The following COL15A1 variants were observed in gnomAD, a reference collection of about 807,000 sequenced individuals.
COL15A1 encodes the protein collagen alpha-1(XV) chain.
A neutral mutation model predicts 165.9 loss-of-function variants in COL15A1; 111 were observed. The ratio of observed to expected loss-of-function variants is 0.67; its 90% confidence interval spans 0.57 to 0.78. COL15A1 has a LOEUF of 0.78. Ranked by LOEUF, COL15A1 falls within the 30% of genes least tolerant of loss-of-function variation. The pLI is 0.00. For missense variants in COL15A1, 1,745 were observed against 1,789.7 expected (o/e 0.98, Z 0.45); for synonymous variants, 659 against 674.8 (o/e 0.98, Z 0.36).
chr9:98,975,356 G>C (rs530964268), intron 2 of COL15A1, among the ~76,000 whole-genome samples: 1 of 152,334 alleles, frequency 6.6e-6, no homozygotes, highest in Admixed American at 6.5e-5. Context: ...CCCCACAGAT[G>C]GAAGGACTGA....
rs1001407785 is a variant in COL15A1, at chr9:99,045,772, T to G, written c.2679+1002T>G. On this transcript the variant is annotated intron_variant, in intron 26 of 41. Coordinates refer to ENST00000375001, the MANE Select transcript of COL15A1 (RefSeq NM_001855.5). The stretch of plus-strand genomic sequence containing the variant: ...GCTTTAGGTCCAGTCTCTTCTCAGA[T>G]GAACCTCACTGCCTCTAATGAACAT... Among the ~76,000 whole-genome samples the G allele has an allele frequency of 2.0e-5, 3 of 152,356 alleles. No individual in the cohort carries two copies. The East Asian group carries it at 5.8e-4, about 29-fold the overall frequency.
chr9:99,011,397 C>A (rs1838845232), intron 9 of COL15A1, among the ~76,000 whole-genome samples: 1 of 125,490 alleles, frequency 8.0e-6, no homozygotes, highest in South Asian at 2.7e-4. Context: ...CCTGAGCATC[C>A]CTCTTTCTGA....
intron 5 of COL15A1, among the ~76,000 whole-genome samples, chr9:98,996,110 C>T (rs1472756893): frequency 6.6e-6 from 1 of 152,214 alleles, no homozygotes; most frequent in East Asian, 1.9e-4. Context: ...TGTTATTAGT[C>T]AGGAAAGGTA....
chr9:98,956,533 T>C (rs1041961597), intron 2 of COL15A1, among the ~76,000 whole-genome samples: 1 of 152,192 alleles, frequency 6.6e-6, no homozygotes, highest in African/African-American at 2.4e-5. Context: ...TTTACATATA[T>C]GTATGTGTAT....
At chr9:98,953,213 G>A (rs1408499199) in intron 2 of COL15A1, among the ~76,000 whole-genome samples, 2 of 152,192 alleles carry the variant, frequency 1.3e-5, no homozygotes, top group African/African-American at 4.8e-5. Context: ...ACCTATTGCT[G>A]TCAACAAAGT....
chr9:99,006,866 T>C (rs1838771404), intron 9 of COL15A1, among the ~76,000 whole-genome samples: 1 of 152,234 alleles, frequency 6.6e-6, no homozygotes, highest in Non-Finnish European at 1.5e-5. Flanking sequence ...GTGTATCAGC[T>C]GTAAAGCAAA....
chr9:98,965,836 C>T (rs191500615), intron 2 of COL15A1, among the ~76,000 whole-genome samples: 20 of 152,250 alleles, frequency 1.3e-4, no homozygotes, highest in Admixed American at 1.0e-3. Context: ...ATCTGGGCCC[C>T]GTGTTGGTGT....
chr9:98,948,316 C>T (rs1010395045), intron 2 of COL15A1, among the ~76,000 whole-genome samples: 3 of 151,996 alleles, frequency 2.0e-5, no homozygotes, highest in South Asian at 2.1e-4. Flanking sequence ...ACACACTTGT[C>T]GGCCGGGCGC....
At chr9:98,963,800 A>G (rs1564013684) in intron 2 of COL15A1, among the ~76,000 whole-genome samples, 2 of 152,140 alleles carry the variant, frequency 1.3e-5, no homozygotes, top group African/African-American at 2.4e-5. Context: ...AGAGCCAGGG[A>G]TGGGGAACCC....
chr9:99,049,672 C>CT lies in COL15A1; in HGVS notation c.2794-11dup, dbSNP rs767356322. ...CAACAACCTGAACTAATGGAATGGC[C>CT]TTTTTTTCTTCCTTCAGGGCCCACC... is the stretch of plus-strand genomic sequence containing the variant. On this transcript the variant is annotated splice_polypyrimidine_tract_variant and intron_variant, in intron 28 of 41. Coordinates refer to ENST00000375001, the MANE Select transcript of COL15A1 (RefSeq NM_001855.5). 1 of 1,612,334 alleles carries CT rather than the reference C, an allele frequency of 6.2e-7. No homozygotes were observed. Among genetic ancestry groups the CT allele is most frequent in the South Asian group, 1.1e-5 (1 of 90,992 alleles).
rs566998485 is a variant in COL15A1, at chr9:99,013,288, G to C, written c.1354-2129G>C. 1.4e-3 allele frequency among the ~76,000 whole-genome samples: 206 copies of C among 152,058 alleles called. 1 individual carries two copies. The highest frequency in any genetic ancestry group is 4.6e-3 in the African/African-American group (190 of 41,490). ...GTAGGGTTGCTGCATGTCATGGGGG[G>C]GTCAACCCCCCAAGACACTCCCACT... On this transcript the variant is annotated intron_variant, in intron 9 of 41. Coordinates refer to ENST00000375001, the MANE Select transcript of COL15A1 (RefSeq NM_001855.5).
At chr9:99,047,395 A>G (rs1410573139) in intron 26 of COL15A1, among the ~76,000 whole-genome samples, 1 of 151,868 alleles carries the variant, frequency 6.6e-6, no homozygotes, top group Non-Finnish European at 1.5e-5. Context: ...AGAATGGGGG[A>G]TGCGATAAGC....
chr9:99,053,745 A>G (rs887155997), intron 31 of COL15A1, among the ~76,000 whole-genome samples: 2 of 152,172 alleles, frequency 1.3e-5, no homozygotes, highest in African/African-American at 4.8e-5. Context: ...TGTTGACACC[A>G]TCATTCCTGT....
intron 21 of COL15A1, among the ~76,000 whole-genome samples, chr9:99,037,549 T>A (rs756661464): frequency 3.9e-5 from 6 of 152,220 alleles, no homozygotes; most frequent in South Asian, 2.1e-4. Flanking sequence ...CAAGACCCTG[T>A]CTCTGATATT....
chr9:99,059,930 G>A lies in COL15A1; in HGVS notation c.3379G>A (p.Gly1127Arg), dbSNP rs1460999888. 1 of 1,613,974 alleles carries A rather than the reference G, an allele frequency of 6.2e-7. No homozygotes were observed. The highest frequency in any genetic ancestry group is 8.5e-7 in the Non-Finnish European group (1 of 1,179,934). ...PGPPGPPGQP[G>R]LPGSRNLVTA... Reference sequence around the variant, plus strand: ...TCCCCCTGGCCCTCCAGGACAGCCAGGGCTTCCCGGATCCAGAAACCTGGT... The same window carrying A: ...TCCCCCTGGCCCTCCAGGACAGCCAAGGCTTCCCGGATCCAGAAACCTGGT... Residue 1127 changes from glycine (G) to arginine (R), a missense_variant, in exon 36 of 42, where the codon GGG (glycine) becomes AGG (arginine). By Grantham distance (125) the Gly-to-Arg change is moderately radical (BLOSUM62 -2). Coordinates refer to ENST00000375001, the MANE Select transcript of COL15A1 (RefSeq NM_001855.5).
rs1414369880 is a variant in COL15A1, at chr9:98,986,049, T to C, written c.585T>C (p.Ala195=). 1 of 1,614,038 alleles carries C rather than the reference T, an allele frequency of 6.2e-7. No homozygotes were observed. The highest frequency in any genetic ancestry group is 2.2e-5 in the East Asian group (1 of 44,874). The change falls in exon 3 of 42, where the codon GCT becomes GCC. Residue 195 remains alanine (A), a synonymous_variant. Coordinates refer to ENST00000375001, the MANE Select transcript of COL15A1 (RefSeq NM_001855.5). ...IPFQRSSQAL[A]FESSAGIFMG... Reference sequence around the variant, plus strand: ...TCCAGCGGTCCTCCCAGGCTTTGGCTTTTGAGTCCAGCGCTGGAATCTTCA... The same window carrying C: ...TCCAGCGGTCCTCCCAGGCTTTGGCCTTTGAGTCCAGCGCTGGAATCTTCA...
intron 2 of COL15A1, among the ~76,000 whole-genome samples, chr9:98,950,121 GT>G (rs1837656179): frequency 6.6e-6 from 1 of 152,114 alleles, no homozygotes; most frequent in Non-Finnish European, 1.5e-5. Context: ...TCTACCTTTT[GT>G]TTTTTGTGAA....
intron 11 of COL15A1, 27 bp from the exon 12 acceptor site, chr9:99,020,362 C>A (rs202232433): frequency 6.3e-7 from 1 of 1,590,998 alleles, no homozygotes; most frequent in South Asian, 1.1e-5. Context: ...GTTGTGGCCA[C>A]GTTTTAACCA....
intron 2 of COL15A1, among the ~76,000 whole-genome samples, chr9:98,956,945 G>C (rs1418647130): frequency 6.6e-6 from 1 of 152,212 alleles, no homozygotes; most frequent in Non-Finnish European, 1.5e-5. Flanking sequence ...GTTGCTCCCT[G>C]CTTAAAACCC....
Sources: allele counts gnomAD v4.1 joint callset (sites outside exome capture counted in the v4.1 genomes callset), GRCh38; gene constraint gnomAD v4.1.1; transcripts MANE v1.5; gene names NCBI Gene and HGNC (gene_info 2026-07-23, HGNC 2026-07-21).